Variants in DNAH17 observed in about 807,000 individuals in gnomAD.
The protein encoded by DNAH17 is axonemal beta dynein heavy chain 17.
A neutral mutation model predicts 485.6 loss-of-function variants in DNAH17; 376 were observed. The ratio of observed to expected loss-of-function variants is 0.77; its 90% CI spans 0.71 to 0.84. The LOEUF is 0.84. DNAH17 is among the 40% of genes least tolerant of loss of function. The pLI is 0.00. For missense variants in DNAH17, 6,370 were observed against 5,839.3 expected (o/e 1.09, Z -2.96); for synonymous variants, 3,031 against 2,405.9 (o/e 1.26, Z -7.60).
intron 73 of DNAH17, among the ~76,000 whole-genome samples, chr17:78,438,438 A>AGGAGGAGGGAGGAG (rs1568050718): frequency 1.3e-5 from 1 of 75,038 alleles, no homozygotes; most frequent in Non-Finnish European, 2.5e-5. Context: ...GAGGAGGAGG[A>AGGAGGAGGGAGGAG]GGAGGAGGGA....
At position 78,526,733 on chromosome 17, in the gene DNAH17, T is replaced by G. The variant is rs1217487525; in HGVS notation, c.3629A>C (p.Lys1210Thr). The change falls in exon 24 of 81, where the codon AAG (lysine) becomes ACG (threonine). Residue 1210 changes from lysine to threonine, a missense_variant. By Grantham distance (78) the Lys-to-Thr change is moderately conservative. Transcript: ENST00000389840. ...LRRKCQQFEL[K>T]QHEFRERFRR... ...GAACCTCTCCCTGAACTCATGTTGC[T>G]TGAGCTGCGAGAGAAGAGTGCAAAG... 6.2e-7 allele frequency: 1 copy of G among 1,605,984 alleles called. No individual in the cohort carries two copies. The highest frequency in any genetic ancestry group is 1.7e-5 in the Admixed American group (1 of 59,468).
chr17:78,566,284 CTT>C (rs1396372523), intron 11 of DNAH17, among the ~76,000 whole-genome samples: 2 of 152,306 alleles, frequency 1.3e-5, no homozygotes, highest in Admixed American at 6.5e-5. Context: ...AACTTTACCT[CTT>C]TAACTTTCAC....
rs773823058 is a variant in DNAH17, at chr17:78,530,320, C to A, written c.3284+23G>T. On this transcript the variant is annotated intron_variant, in intron 21 of 80. Coordinates refer to ENST00000389840, the MANE Select transcript of DNAH17 (RefSeq NM_173628.4). Reference sequence around the variant, plus strand: ...TGCTCTGCACATTCCTTGGGCTCCCCGAGTACATGGCTGGGGACCCACCTG... The same window carrying A: ...TGCTCTGCACATTCCTTGGGCTCCCAGAGTACATGGCTGGGGACCCACCTG... 4 of 1,587,890 alleles carry A rather than the reference C, an allele frequency of 2.5e-6. No homozygotes were observed. In the East Asian group the frequency reaches 6.8e-5, roughly 27 times the overall value.
Position 78,502,867 on chromosome 17 carries a change from G to A in DNAH17, c.5082+19C>T, listed in dbSNP as rs575779940. 10 of 1,609,696 alleles carry A rather than the reference G, an allele frequency of 6.2e-6. No homozygotes were observed. The highest frequency in any genetic ancestry group is 1.3e-5 in the African/African-American group (1 of 74,860). ...TATCTCAGCCACGAGGCGCCGCCGA[G>A]CCCCCACCCGCCTCAGACCTGGGCT... is the stretch of plus-strand genomic sequence containing the variant. On this transcript the variant is annotated intron_variant, in intron 32 of 80. Transcript: ENST00000389840.
chr17:78,551,967 A>G (rs570077398), intron 15 of DNAH17, among the ~76,000 whole-genome samples: 18,001 of 147,378 alleles, frequency 0.12, 1,352 homozygotes, highest in East Asian at 0.32. Context: ...TATCTCAGGA[A>G]AAAAAAAAAA....
At chr17:78,548,202 C>CTTTTTTT (rs34701814) in intron 16 of DNAH17, among the ~76,000 whole-genome samples, 961 of 80,096 alleles carry the variant, frequency 0.012, 106 homozygotes, top group Middle Eastern at 0.017. Flanking sequence ...ATGTCATGGC[C>CTTTTTTT]TTTTTTTTTT....
At chr17:78,489,183 C>T (rs1180920530) in intron 44 of DNAH17, among the ~76,000 whole-genome samples, 1 of 152,226 alleles carries the variant, frequency 6.6e-6, no homozygotes, top group East Asian at 1.9e-4. Context: ...CCACACTGTG[C>T]TGCCTGCCTC....
At chr17:78,443,376 T>C (rs947378035) in intron 71 of DNAH17, among the ~76,000 whole-genome samples, 1 of 152,148 alleles carries the variant, frequency 6.6e-6, no homozygotes, top group African/African-American at 2.4e-5. Flanking sequence ...GGGACACAGC[T>C]GGCATTCTCC....
intron 77 of DNAH17, among the ~76,000 whole-genome samples, chr17:78,427,707 C>T (rs1041857363): frequency 1.3e-5 from 2 of 152,188 alleles, no homozygotes; most frequent in African/African-American, 2.4e-5. Context: ...TACAGTGGCT[C>T]ACGCCTGTAA....
chr17:78,505,288 C>T lies in DNAH17; in HGVS notation c.4956+5G>A. The T allele has an allele frequency of 1.2e-6, 2 of 1,613,892 alleles. No homozygotes were observed. The highest frequency in any genetic ancestry group is 1.7e-6 in the Non-Finnish European group (2 of 1,179,820). On this transcript the variant is annotated splice_donor_5th_base_variant and intron_variant, in intron 31 of 80. Transcript: ENST00000389840. ...GTTCCCTGTGTGGTGTGCGCACACA[C>T]TCACCTGCCCCGAGAGGTCGCATTC...
chr17:78,478,404 T>G (rs1000244209), intron 51 of DNAH17, among the ~76,000 whole-genome samples: 3 of 137,156 alleles, frequency 2.2e-5, no homozygotes, highest in Non-Finnish European at 4.5e-5. Context: ...AGCACCACCA[T>G]CACTACCACT....
chr17:78,557,796 A>T (rs2092060041), intron 14 of DNAH17, among the ~76,000 whole-genome samples: 1 of 151,948 alleles, frequency 6.6e-6, no homozygotes, highest in African/African-American at 2.4e-5. Flanking sequence ...AATACACACT[A>T]ATTTAATTCT....
At position 78,514,887 on chromosome 17, in the gene DNAH17, C is replaced by A; in HGVS notation, c.4000G>T (p.Val1334Leu). The change falls in exon 26 of 81, where the codon GTG (valine) becomes TTG (leucine). Residue 1334 changes from valine (V) to leucine (L), a missense_variant. Transcript: ENST00000389840. ...TTTTTCACGGTGTTGTCGAGCCCCA[C>A]GAAGGCATCCCAGGTTTTCATCTCC... ...DKEMKTWDAF[V>L]GLDNTVKNVI... 1 of 1,614,048 alleles carries A rather than the reference C, an allele frequency of 6.2e-7. No individual in the cohort carries two copies.
intron 15 of DNAH17, among the ~76,000 whole-genome samples, chr17:78,551,965 G>GAAA (rs112451291): frequency 2.9e-5 from 4 of 140,264 alleles, no homozygotes; most frequent in African/African-American, 5.3e-5. Context: ...TCTATCTCAG[G>GAAA]AAAAAAAAAA....
intron 75 of DNAH17, among the ~76,000 whole-genome samples, chr17:78,429,659 C>G (rs114972375): frequency 2.0e-5 from 3 of 152,184 alleles, no homozygotes; most frequent in African/African-American, 7.2e-5. Context: ...AGGGCTGAAT[C>G]GGAACTCGCT....
chr17:78,548,622 G>A (rs1246517236), intron 16 of DNAH17, among the ~76,000 whole-genome samples: 1 of 152,180 alleles, frequency 6.6e-6, no homozygotes, highest in African/African-American at 2.4e-5. Context: ...CACAATCTTT[G>A]AACAGCCTCC....
chr17:78,443,254 C>T (rs2087142725), intron 71 of DNAH17, among the ~76,000 whole-genome samples: 1 of 152,156 alleles, frequency 6.6e-6, no homozygotes, highest in Admixed American at 6.5e-5. Context: ...GTCTTGTGAC[C>T]CAAACATGCT....
At chr17:78,479,463 G>T (rs2089252586) in intron 50 of DNAH17, 22 bp downstream of exon 50, 3 of 1,590,790 alleles carry the variant, frequency 1.9e-6, no homozygotes, top group East Asian at 2.2e-5. Context: ...GATGGGAGAG[G>T]GGATGAGGCC....
chr17:78,560,869 C>T lies in DNAH17; in HGVS notation c.1902G>A (p.Arg634=), dbSNP rs1406215312. The T allele has an allele frequency of 7.7e-6, 12 of 1,551,640 alleles. No individual in the cohort carries two copies. Among genetic ancestry groups the T allele is most frequent in the African/African-American group, 2.7e-5 (2 of 73,048 alleles). The change falls in exon 13 of 81, where the codon AGG becomes AGA. Residue 634 remains arginine, a synonymous_variant. Transcript: ENST00000389840. The part of the protein sequence containing the change: ...QKYDEMMELL[R]CHREKIYQQW... ...GCTGGTAGATCTTCTCGCGGTGGCA[C>T]CTCAGCAGCTCCATCATCTCGTCAT...
Sources: allele counts gnomAD v4.1 joint callset (sites outside exome capture counted in the v4.1 genomes callset), GRCh38; gene constraint gnomAD v4.1.1; transcripts MANE v1.5; gene names NCBI Gene and HGNC (gene_info 2026-07-23, HGNC 2026-07-21).